The following EIF2B2 variants were observed in gnomAD, a reference collection of about 807,000 sequenced individuals.
The protein encoded by EIF2B2 is translation initiation factor eIF2B subunit beta.
A neutral mutation model predicts 34.7 loss-of-function variants in EIF2B2; 34 were observed. The ratio of observed to expected loss-of-function variants is 0.98; its 90% CI spans 0.75 to 1.31. The LOEUF (loss-of-function observed/expected upper bound fraction) is 1.31, where lower values mean the gene tolerates loss of function less well. EIF2B2 is among the 50% of genes most tolerant of loss of function. EIF2B2 has a pLI of 0.00. For missense variants in EIF2B2, 361 were observed against 447.7 expected (o/e 0.81, Z 1.75); for synonymous variants, 155 against 171.6 (o/e 0.90, Z 0.76).
chr14:75,009,042 GAGA>G lies in EIF2B2; in HGVS notation c.913_915del (p.Lys305del), dbSNP rs762563184. On this transcript the variant is annotated inframe_deletion, in exon 8 of 8. Coordinates refer to ENST00000266126, the MANE Select transcript of EIF2B2 (RefSeq NM_014239.4). The stretch of plus-strand genomic sequence containing the variant: ...TGCTTGCCTTTCAGGGGACATTCTG[GAGA>G]AGGTCAGCGTGCATTGCCCTGTGTT... The G allele has an allele frequency of 3.7e-6, 6 of 1,613,990 alleles. No homozygotes were observed. In the African/African-American group the frequency reaches 4.0e-5, roughly 11 times the overall value.
In EIF2B2 at chr14:75,004,897, C is replaced by A; in HGVS notation, c.594C>A (p.Cys198Ter). Reference protein sequence around the residue: ...HVIVAECAPFCQGHEMAVNLS... With the variant: ...HVIVAECAPF Reference sequence around the variant, plus strand: ...TTGTAGCAGAGTGTGCTCCTTTCTGCCAGGTAAGGAGACTGCTGGAGTTGC... The same window carrying A: ...TTGTAGCAGAGTGTGCTCCTTTCTGACAGGTAAGGAGACTGCTGGAGTTGC... The change falls in exon 4 of 8, where the codon TGC (cysteine) becomes TGA (stop). Residue 198 changes from cysteine to a stop codon, truncating the protein, a stop_gained. Transcript: ENST00000266126. LOFTEE classifies it high-confidence loss of function. 1 of 1,609,924 alleles carries A rather than the reference C, an allele frequency of 6.2e-7. No homozygotes were observed. Among genetic ancestry groups the A allele is most frequent in the Non-Finnish European group, 8.5e-7 (1 of 1,178,050 alleles).
chr14:75,009,054 G>C lies in EIF2B2; in HGVS notation c.922G>C (p.Val308Leu), dbSNP rs372548739. 2.5e-6 allele frequency: 4 copies of C among 1,613,954 alleles called. No individual in the cohort carries two copies. The African/African-American group carries it at 4.0e-5, about 16-fold the overall frequency. The stretch of plus-strand genomic sequence containing the variant: ...AGGGGACATTCTGGAGAAGGTCAGC[G>C]TGCATTGCCCTGTGTTTGACTACGT... ...TEGDILEKVS[V>L]HCPVFDYVPP... Residue 308 changes from valine to leucine, a missense_variant, in exon 8 of 8, where the codon GTG becomes CTG. By Grantham distance (32) the Val-to-Leu change is conservative. Coordinates refer to ENST00000266126, the MANE Select transcript of EIF2B2 (RefSeq NM_014239.4).
At position 75,007,688 on chromosome 14, in the gene EIF2B2, G is replaced by A. The variant is rs764159474; in HGVS notation, c.832-34G>A. 3.8e-6 allele frequency: 6 copies of A among 1,570,218 alleles called. No homozygotes were observed. In the South Asian group the frequency reaches 4.4e-5, roughly 12 times the overall value. Reference sequence around the variant, plus strand: ...TACATACCTAGGAGTGGAATTGCTGGGTCTCTAGTTTTTATAAATTTTTTC... The same window carrying A: ...TACATACCTAGGAGTGGAATTGCTGAGTCTCTAGTTTTTATAAATTTTTTC... On this transcript the variant is annotated intron_variant, in intron 6 of 7. Transcript: ENST00000266126.
intron 1 of EIF2B2, 56 bp downstream of exon 1, chr14:75,003,209 G>A: frequency 1.2e-6 from 2 of 1,613,410 alleles, no homozygotes; most frequent in Non-Finnish European, 1.7e-6. Context: ...CCCGATCCCA[G>A]GGCTGAAAAT....
At position 75,007,753 on chromosome 14, in the gene EIF2B2, T is replaced by C. The variant is rs376944725; in HGVS notation, c.863T>C (p.Phe288Ser). ...AATGAAGAAGACTCATTTCATAAGT[T>C]TGTGGCTCCTGAAGAAGTCCTGCCA... ...FPNEEDSFHK[F>S]VAPEEVLPFT... Residue 288 changes from phenylalanine (F) to serine (S), a missense_variant, in exon 7 of 8, where the codon TTT becomes TCT. Physicochemically the swap from Phe to Ser is radical, Grantham distance 155. Coordinates refer to ENST00000266126, the MANE Select transcript of EIF2B2 (RefSeq NM_014239.4). 1.2e-6 allele frequency: 2 copies of C among 1,614,050 alleles called. No individual in the cohort carries two copies. The highest frequency in any genetic ancestry group is 1.3e-5 in the African/African-American group (1 of 75,062).
chr14:75,004,793 G>C lies in EIF2B2; in HGVS notation c.490G>C (p.Val164Leu). ...TCTGGAGCACATTCACTCCAATGAG[G>C]TGATCATGACCATTGGCTTCTCCCG... is the stretch of plus-strand genomic sequence containing the variant. ...QALEHIHSNE[V>L]IMTIGFSRTV... Residue 164 changes from valine to leucine, a missense_variant, in exon 4 of 8, where the codon GTG becomes CTG. Val to Leu is a conservative substitution (Grantham distance 32). Coordinates refer to ENST00000266126, the MANE Select transcript of EIF2B2 (RefSeq NM_014239.4). 6.2e-7 allele frequency: 1 copy of C among 1,601,508 alleles called. No homozygotes were observed. The highest frequency in any genetic ancestry group is 8.5e-7 in the Non-Finnish European group (1 of 1,175,894).
chr14:75,005,158 C>G (rs1307441356), intron 4 of EIF2B2: 2 of 404,106 alleles, frequency 4.9e-6, no homozygotes, highest in Non-Finnish European at 4.7e-6. Flanking sequence ...GGGTGGATTA[C>G]CTGAGGTCAG....
In EIF2B2 at chr14:75,010,952, GC is replaced by G. The variant is rs770313835; in HGVS notation, c.*1765del. The G allele has an allele frequency of 6.6e-6, 1 of 152,258 alleles. No homozygotes were observed. Among genetic ancestry groups the G allele is most frequent in the Non-Finnish European group, 1.5e-5 (1 of 68,058 alleles). 9.4% of individuals were successfully genotyped at this position (152,258 alleles called of 1,614,324 possible). A position where few individuals can be genotyped will look rare whatever the true frequency, so the allele number is the denominator to read the frequency against. On this transcript the variant is annotated 3_prime_UTR_variant, in exon 8 of 8. Coordinates refer to ENST00000266126, the MANE Select transcript of EIF2B2 (RefSeq NM_014239.4). ...GCCTATAATCCCAGCACTTTGGGAG[GC>G]TGAGGAGGGCAGATCACTTGAGGTC...
In EIF2B2 at chr14:75,003,257, C is replaced by G. The variant is rs1431514492; in HGVS notation, c.164-18C>G. 9 of 1,613,514 alleles carry G rather than the reference C, an allele frequency of 5.6e-6. No individual in the cohort carries two copies. Among genetic ancestry groups the G allele is most frequent in the Non-Finnish European group, 7.6e-6 (9 of 1,180,026 alleles). Reference sequence around the variant, plus strand: ...ACTTCGCGTTGGCTCCTCTTATCCTCTCTCTTTTGGACTGTAGGGGAGCTG... The same window carrying G: ...ACTTCGCGTTGGCTCCTCTTATCCTGTCTCTTTTGGACTGTAGGGGAGCTG... On this transcript the variant is annotated intron_variant, in intron 1 of 7. Transcript: ENST00000266126.
At chr14:75,008,465 A>G (rs1180157576) in intron 7 of EIF2B2, 1 of 195,640 alleles carries the variant, frequency 5.1e-6, no homozygotes, top group Admixed American at 5.3e-5. Context: ...AGATAAAACA[A>G]TGAATGAAAA....
Position 75,009,152 on chromosome 14 carries a change from G to A in EIF2B2, c.1020G>A (p.Met340Ile). ...CACCTTCCTACATCTACCGCCTGAT[G>A]AGTGAACTCTACCATCCTGATGATC... Reference protein sequence around the residue: ...GNAPSYIYRLMSELYHPDDHV... With the variant: ...GNAPSYIYRLISELYHPDDHV... Residue 340 changes from methionine (M) to isoleucine (I), a missense_variant, in exon 8 of 8, where the codon ATG becomes ATA. Transcript: ENST00000266126. The A allele has an allele frequency of 1.2e-6, 2 of 1,614,102 alleles. No homozygotes were observed. The highest frequency in any genetic ancestry group is 1.7e-6 in the Non-Finnish European group (2 of 1,179,994).
At chr14:75,004,633 T>A (rs1889590929) in intron 3 of EIF2B2, 104 bp from the exon 4 acceptor site, 2 of 392,790 alleles carry the variant, frequency 5.1e-6, no homozygotes, top group Non-Finnish European at 7.3e-6. Context: ...TTTTTCCGTA[T>A]ACGCGTAATG....
chr14:75,007,880 C>T (rs1889650640), intron 7 of EIF2B2, 92 bp downstream of exon 7: 6 of 1,249,034 alleles, frequency 4.8e-6, no homozygotes, highest in Admixed American at 1.8e-5. Context: ...TTTTGTTGGT[C>T]AGTAGAACTG....
At chr14:75,008,434 C>A in intron 7 of EIF2B2, 1 of 187,684 alleles carries the variant, frequency 5.3e-6, no homozygotes, top group Non-Finnish European at 1.1e-5. Context: ...ACAATGTATC[C>A]AGCACTCTTC....
rs758137309 is a variant in EIF2B2, at chr14:75,007,724, C to T, written c.834C>T (p.Phe278=). Residue 278 remains phenylalanine, a splice_region_variant and synonymous_variant, in exon 7 of 8, where the codon TTC becomes TTT. Transcript: ENST00000266126. ...CAPMFKLSPQ[F]PNEEDSFHKF... ...TTTATAAATTTTTTCCTTTTTAGTT[C>T]CCCAATGAAGAAGACTCATTTCATA... The T allele has an allele frequency of 2.5e-6, 4 of 1,613,366 alleles. No individual in the cohort carries two copies. The highest frequency in any genetic ancestry group is 3.4e-6 in the Non-Finnish European group (4 of 1,179,700).
intron 3 of EIF2B2, 31 bp downstream of exon 3, chr14:75,003,730 C>T: frequency 6.2e-7 from 1 of 1,613,976 alleles, no homozygotes; most frequent in African/African-American, 1.3e-5. Context: ...GAAAATGGGA[C>T]TGGTCACAGG....
chr14:75,003,196 G>A, intron 1 of EIF2B2, 43 bp downstream of exon 1: 3 of 1,613,372 alleles, frequency 1.9e-6, no homozygotes, highest in East Asian at 4.5e-5. Context: ...GCCCCTGTCT[G>A]TTCCCGATCC....
intron 7 of EIF2B2, chr14:75,008,520 A>G (rs1241180165): frequency 1.3e-5 from 3 of 229,966 alleles, no homozygotes; most frequent in Non-Finnish European, 2.6e-5. Context: ...AAGACAGATG[A>G]GAAAGTATCA....
At position 75,006,731 on chromosome 14, in the gene EIF2B2, C is replaced by G. The variant is rs781502334; in HGVS notation, c.831+17C>G. ...TCTCCACAGGTAAGTGTGTCTGTCT[C>G]TAGCTAGAAGCCAGCAGAAAAGAAG... On this transcript the variant is annotated intron_variant, in intron 6 of 7. Coordinates refer to ENST00000266126, the MANE Select transcript of EIF2B2 (RefSeq NM_014239.4). This position sits in a 1 kb window ranked among gnomAD's most constrained non-coding sequence, Gnocchi z 4.1. 8 of 1,614,094 alleles carry G rather than the reference C, an allele frequency of 5.0e-6. No individual in the cohort carries two copies. Among genetic ancestry groups the G allele is most frequent in the Non-Finnish European group, 6.8e-6 (8 of 1,180,028 alleles).
Sources: gnomAD v4.1 joint callset for allele counts on GRCh38, gnomAD v4.1.1 for gene constraint, Gnocchi (gnomAD v3.1) non-coding constraint, MANE v1.5 for transcripts, NCBI Gene and HGNC (gene_info 2026-07-23, HGNC 2026-07-21) for gene names.